Variants in GPHN observed in about 807,000 individuals in gnomAD.
The protein encoded by GPHN is gephyrin.
Under a neutral mutation model 95.5 loss-of-function variants are expected in GPHN, and 17 were observed. That is an observed-to-expected ratio of 0.18 (90% CI 0.12 to 0.27). GPHN has a LOEUF of 0.27. GPHN is among the 10% of genes least tolerant of loss of function. GPHN has a pLI of 1.00. For synonymous variants in GPHN, 320 were observed against 322.5 expected, an observed-to-expected ratio of 0.99 and a Z score of 0.08; for missense variants, 660 against 978.1, an observed-to-expected ratio of 0.67 and a Z score of 4.34.
chr14:67,129,472 ATACT>A (rs1446773962), intron 17 of GPHN, among the ~76,000 whole-genome samples: 1 of 152,228 alleles, frequency 6.6e-6, no homozygotes, highest in Non-Finnish European at 1.5e-5. Context: ...TATAGAAAAC[ATACT>A]TAAATGCAAA....
chr14:67,679,771 A>AT, the GPHN span, among the ~76,000 whole-genome samples: 1 of 152,180 alleles, frequency 6.6e-6, no homozygotes. Flanking sequence ...ATTCTGACTC[A>AT]TTTTTGTATT....
At chr14:66,829,163 C>G (rs980790752) in intron 4 of GPHN, among the ~76,000 whole-genome samples, 4 of 147,384 alleles carry the variant, frequency 2.7e-5, no homozygotes, top group Middle Eastern at 3.2e-3. Context: ...TCTCAGCTCA[C>G]TGCAACCTCC....
chr14:67,724,627 C>A, the GPHN span: 3 of 1,441,748 alleles, frequency 2.1e-6, no homozygotes, highest in Non-Finnish European at 2.9e-6. Context: ...AAGGGCCATG[C>A]CTCCCACCCT....
the GPHN span, among the ~76,000 whole-genome samples, chr14:67,402,557 T>G: frequency 5.9e-5 from 9 of 152,322 alleles, no homozygotes; most frequent in African/African-American, 2.2e-4. Context: ...CCATTAACCA[T>G]TCCCATCTCC....
chr14:66,570,744 A>G (rs1374265756), intron 1 of GPHN, among the ~76,000 whole-genome samples: 2 of 152,194 alleles, frequency 1.3e-5, no homozygotes, highest in Non-Finnish European at 2.9e-5. Context: ...ACAGTGTGAA[A>G]GGATTTCATT....
chr14:66,683,354 A>G (rs369567590), intron 2 of GPHN, among the ~76,000 whole-genome samples: 8 of 37,408 alleles, frequency 2.1e-4, no homozygotes, highest in East Asian at 2.5e-3. Flanking sequence ...ATATATATAT[A>G]TATATATATA....
At chr14:67,044,711 A>T (rs2074903602) in intron 10 of GPHN, among the ~76,000 whole-genome samples, 1 of 150,222 alleles carries the variant, frequency 6.7e-6, no homozygotes, top group Non-Finnish European at 1.5e-5. Context: ...ATTATAAAAT[A>T]TGTGTAATTA....
At chr14:67,319,703 C>T in the GPHN span, among the ~76,000 whole-genome samples, 1 of 152,002 alleles carries the variant, frequency 6.6e-6, no homozygotes, top group Non-Finnish European at 1.5e-5. Context: ...CCGTCCTGGG[C>T]TGCATGCAGC....
the GPHN span, among the ~76,000 whole-genome samples, chr14:67,445,896 C>G: frequency 6.6e-6 from 1 of 152,126 alleles, no homozygotes; most frequent in African/African-American, 2.4e-5. Context: ...CTAAGGGAGG[C>G]AATTCACACA....
chr14:66,876,851 T>C (rs939666803), intron 4 of GPHN, among the ~76,000 whole-genome samples: 3 of 152,250 alleles, frequency 2.0e-5, no homozygotes, highest in African/African-American at 4.8e-5. Context: ...TCTGAAACTA[T>C]TCCAAACAAC....
the GPHN span, chr14:67,645,560 A>C: frequency 3.6e-5 from 53 of 1,486,930 alleles, no homozygotes; most frequent in Admixed American, 5.7e-5. Flanking sequence ...TGGAGAGAGT[A>C]TAAGTTGTTT....
At chr14:67,352,875 G>A in the GPHN span, 3 of 1,323,364 alleles carry the variant, frequency 2.3e-6, no homozygotes, top group Non-Finnish European at 3.2e-6. Context: ...CAAGGGCCAT[G>A]CTGGATTTTT....
intron 1 of GPHN, among the ~76,000 whole-genome samples, chr14:66,630,086 G>A (rs2063733660): frequency 6.6e-6 from 1 of 152,116 alleles, no homozygotes. Flanking sequence ...ATCCAGAGGA[G>A]GGATGGTTCT....
chr14:67,656,275 A>G, the GPHN span: 3 of 832,754 alleles, frequency 3.6e-6, no homozygotes, highest in Non-Finnish European at 5.0e-6. Context: ...ATAAATAAAA[A>G]TTGAGAAAAG....
chr14:67,165,065 A>G, intron 19 of GPHN, 97 bp from the exon 20 acceptor site: 2 of 826,096 alleles, frequency 2.4e-6, no homozygotes, highest in East Asian at 2.5e-5. Context: ...AGTGTTTTTT[A>G]TATGATAAGT....
At chr14:66,517,456 G>T (rs1449681163) in intron 1 of GPHN, among the ~76,000 whole-genome samples, 3 of 152,088 alleles carry the variant, frequency 2.0e-5, no homozygotes, top group Non-Finnish European at 4.4e-5. Flanking sequence ...AAATTTGTAT[G>T]GAACCATAAA....
intron 11 of GPHN, among the ~76,000 whole-genome samples, chr14:67,083,237 C>CCT (rs1555486307): frequency 5.9e-5 from 9 of 151,996 alleles, no homozygotes; most frequent in Non-Finnish European, 8.8e-5. Context: ...ATGCCCCCCC[C>CCT]CCTCCAAATC....
At chr14:66,862,902 C>T (rs1193109649) in intron 4 of GPHN, among the ~76,000 whole-genome samples, 2 of 152,012 alleles carry the variant, frequency 1.3e-5, no homozygotes, top group Admixed American at 1.3e-4. Flanking sequence ...AGCATTTCCT[C>T]TAAGATCTGC....
chr14:67,581,274 G>GCACACA, the GPHN span, among the ~76,000 whole-genome samples: 42 of 148,080 alleles, frequency 2.8e-4, no homozygotes, highest in South Asian at 1.1e-3. Flanking sequence ...GTGTGTATAT[G>GCACACA]CACACACACA....
Sources: allele counts gnomAD v4.1 joint callset (sites outside exome capture counted in the v4.1 genomes callset), GRCh38; gene constraint gnomAD v4.1.1; transcripts MANE v1.5; gene names NCBI Gene and HGNC (gene_info 2026-07-23, HGNC 2026-07-21).